Variants in ADAMTSL1 observed in about 807,000 individuals in gnomAD.
ADAMTSL1 encodes the protein ADAMTS like 1.
ADAMTSL1 carries 126 observed loss-of-function variants against 201.8 expected under a neutral mutation model. The observed-to-expected ratio is 0.62, with a 90% CI of 0.54 to 0.72. ADAMTSL1 has a LOEUF of 0.72. Among genes scored for constraint, ADAMTSL1 ranks in the 30% least tolerant of loss-of-function variants. The pLI, the probability that ADAMTSL1 is intolerant of heterozygous loss-of-function variation, is 0.00. For missense variants in ADAMTSL1, 2,679 were observed against 2,277.8 expected (o/e 1.18, Z -3.59); for synonymous variants, 1,121 against 903.4 (o/e 1.24, Z -4.32).
At chr9:18,296,015 C>A (rs1194319125) in intron 2 of ADAMTSL1, among the ~76,000 whole-genome samples, 6 of 152,124 alleles carry the variant, frequency 3.9e-5, no homozygotes, top group Admixed American at 1.3e-4. Context: ...ACATGAAATG[C>A]ATAATCAGTG....
chr9:18,326,586 C>T (rs1834839082), intron 2 of ADAMTSL1, among the ~76,000 whole-genome samples: 1 of 152,146 alleles, frequency 6.6e-6, no homozygotes, highest in Admixed American at 6.5e-5. Context: ...TAATATATAT[C>T]AGGCATCTTA....
At chr9:18,607,441 T>C (rs776793) in intron 4 of ADAMTSL1, among the ~76,000 whole-genome samples, 6 of 152,198 alleles carry the variant, frequency 3.9e-5, no homozygotes, top group African/African-American at 1.4e-4. Flanking sequence ...TTCACATAGA[T>C]ATATTGAAAA....
At chr9:18,096,341 T>C (rs1425498880) in intron 1 of ADAMTSL1, among the ~76,000 whole-genome samples, 1 of 152,254 alleles carries the variant, frequency 6.6e-6, no homozygotes, top group African/African-American at 2.4e-5. Context: ...AATAAACGTA[T>C]ATTTAATTCT....
intron 1 of ADAMTSL1, among the ~76,000 whole-genome samples, chr9:17,994,881 C>G: frequency 6.6e-6 from 1 of 152,102 alleles, no homozygotes. Context: ...AGAGATTACA[C>G]AATTAAAAAG....
chr9:18,618,833 T>C (rs1473101797), intron 4 of ADAMTSL1, among the ~76,000 whole-genome samples: 1 of 152,190 alleles, frequency 6.6e-6, no homozygotes, highest in Non-Finnish European at 1.5e-5. Context: ...TATGATTTTT[T>C]CTCATGACCA....
chr9:17,968,059 T>C (rs1396712964), intron 1 of ADAMTSL1, among the ~76,000 whole-genome samples: 1 of 152,110 alleles, frequency 6.6e-6, no homozygotes, highest in Non-Finnish European at 1.5e-5. Flanking sequence ...ATTTGTCTAA[T>C]GTAGCTTTAG....
chr9:17,979,661 G>A (rs1286190845), intron 1 of ADAMTSL1, among the ~76,000 whole-genome samples: 1 of 151,828 alleles, frequency 6.6e-6, no homozygotes, highest in African/African-American at 2.4e-5. Flanking sequence ...TTGTTCTTTG[G>A]TGGTATTTTG....
chr9:18,372,449 A>G (rs1563919244), intron 2 of ADAMTSL1, among the ~76,000 whole-genome samples: 1 of 152,198 alleles, frequency 6.6e-6, no homozygotes. Context: ...TGAGAAGTAC[A>G]GAAAGAATCA....
At chr9:18,481,451 A>G (rs1051748886) in intron 1 of ADAMTSL1, among the ~76,000 whole-genome samples, 2 of 152,086 alleles carry the variant, frequency 1.3e-5, no homozygotes, top group African/African-American at 4.8e-5. Flanking sequence ...TTAAGTCACA[A>G]TCTCTACAGT....
At position 18,093,597 on chromosome 9, in the gene ADAMTSL1, A is replaced by T. The variant is rs184168522; in HGVS notation, c.88-70265A>T. Among the ~76,000 whole-genome samples, 29 of 152,338 alleles carry T rather than the reference A, an allele frequency of 1.9e-4. 1 individual carries two copies. The highest frequency in any genetic ancestry group is 1.3e-4 in the Admixed American group (2 of 15,298). ...TCAGTAAGCTGAGAGGTTATTAAGA[A>T]AAATATAAATATTATTACTTAGAGT... On this transcript the variant is annotated intron_variant, in intron 1 of 29. Transcript: ENST00000680146.
In ADAMTSL1 at chr9:18,704,065, G is replaced by A. The variant is rs184675389; in HGVS notation, c.1575-2682G>A. On this transcript the variant is annotated intron_variant, in intron 13 of 28. Coordinates refer to ENST00000380548, the MANE Select transcript of ADAMTSL1 (RefSeq NM_001040272.6). Reference sequence around the variant, plus strand: ...GAGGATTATCTATAGATCTCAATGCGTTTGTATCTCTACCAAATGTTTTTT... The same window carrying A: ...GAGGATTATCTATAGATCTCAATGCATTTGTATCTCTACCAAATGTTTTTT... Among the ~76,000 whole-genome samples the A allele has an allele frequency of 3.1e-4, 47 of 152,138 alleles. 1 individual carries two copies. Among genetic ancestry groups the A allele is most frequent in the Admixed American group, 1.2e-3 (19 of 15,292 alleles).
intron 3 of ADAMTSL1, among the ~76,000 whole-genome samples, chr9:18,533,523 T>G (rs1486453342): frequency 6.6e-6 from 1 of 152,190 alleles, no homozygotes; most frequent in Non-Finnish European, 1.5e-5. Context: ...AAACAAGGAC[T>G]CTACATTTCC....
chr9:18,346,032 C>A (rs927599595), intron 2 of ADAMTSL1, among the ~76,000 whole-genome samples: 1 of 152,132 alleles, frequency 6.6e-6, no homozygotes, highest in African/African-American at 2.4e-5. Flanking sequence ...GTTCCTGGAT[C>A]AACCCACTTC....
intron 2 of ADAMTSL1, among the ~76,000 whole-genome samples, chr9:18,448,489 G>T (rs1355767140): frequency 6.6e-6 from 1 of 151,970 alleles, no homozygotes; most frequent in Non-Finnish European, 1.5e-5. Flanking sequence ...ACCCCTAAAA[G>T]AATTTAGAAA....
At chr9:18,726,362 G>T (rs1339722642) in intron 15 of ADAMTSL1, among the ~76,000 whole-genome samples, 1 of 152,044 alleles carries the variant, frequency 6.6e-6, no homozygotes, top group African/African-American at 2.4e-5. Flanking sequence ...AATTAGCTGG[G>T]TGTGTGTTGG....
chr9:18,604,834 A>G (rs1048303711), intron 4 of ADAMTSL1, among the ~76,000 whole-genome samples: 1 of 152,252 alleles, frequency 6.6e-6, no homozygotes, highest in Admixed American at 6.5e-5. Flanking sequence ...AGGAACAGCC[A>G]TACTGTTTTC....
chr9:17,984,181 T>C (rs1818831557), intron 1 of ADAMTSL1, among the ~76,000 whole-genome samples: 1 of 152,140 alleles, frequency 6.6e-6, no homozygotes, highest in African/African-American at 2.4e-5. Flanking sequence ...TCTTTCTTTT[T>C]CAAAATTAAA....
upstream of ADAMTSL1, among the ~76,000 whole-genome samples, chr9:18,469,860 T>G (rs745452624): frequency 8.7e-4 from 133 of 152,248 alleles, no homozygotes; most frequent in Non-Finnish European, 9.1e-4. Flanking sequence ...TCCAGTACCC[T>G]AGCTGCAAGG....
chr9:18,416,674 G>A (rs554061656), intron 2 of ADAMTSL1, among the ~76,000 whole-genome samples: 1 of 152,008 alleles, frequency 6.6e-6, no homozygotes, highest in African/African-American at 2.4e-5. Flanking sequence ...ATCACACCAG[G>A]AATAAAGAAT....
Sources: gnomAD v4.1 joint callset for allele counts (sites outside exome capture counted in the v4.1 genomes callset) on GRCh38, gnomAD v4.1.1 for gene constraint, MANE v1.5 for transcripts, NCBI Gene and HGNC (gene_info 2026-07-23, HGNC 2026-07-21) for gene names.